The following AHDC1 variants were observed in gnomAD, a reference collection of about 807,000 sequenced individuals.
AHDC1 encodes AT-hook DNA binding motif containing 1, also known as transcription factor Gibbin.
AHDC1 carries 7 observed loss-of-function variants against 87.9 expected under a neutral mutation model. That is an observed-to-expected ratio of 0.08 (90% CI 0.05 to 0.15). The LOEUF is 0.15. Ranked by LOEUF, AHDC1 falls within the 10% of genes least tolerant of loss-of-function variation. AHDC1 has a pLI of 1.00. For missense variants in AHDC1, 1,841 were observed against 2,253.2 expected (o/e 0.82, Z 3.70); for synonymous variants, 1,051 against 1,006.8 (o/e 1.04, Z -0.83).
In AHDC1 at chr1:27,552,017, G is replaced by C. The variant is rs780048677; in HGVS notation, c.99C>G (p.Pro33=). The C allele has an allele frequency of 3.4e-5, 50 of 1,466,508 alleles. No homozygotes were observed. Among genetic ancestry groups the C allele is most frequent in the Non-Finnish European group, 4.1e-5 (45 of 1,109,420 alleles). The allele number at this position is 1,466,508 out of a possible 1,614,324, so 90.8% of individuals were successfully genotyped here. Residue 33 remains proline, a synonymous_variant, in exon 8 of 9, where the codon CCC becomes CCG. Transcript: ENST00000673934. The stretch of plus-strand genomic sequence containing the variant: ...GGGTGGGAAGCAGGGGCCGGGGGGT[G>C]GGGGGGCCGCCGGGGTAGTACTTGG... ...REPKYYPGGP[P]TPRPLLPTRP...
rs572965613 is a variant in AHDC1, at chr1:27,595,513, A to T, written c.-629+7884T>A. 1.5e-3 allele frequency among the ~76,000 whole-genome samples: 222 copies of T among 150,534 alleles called. No individual in the cohort carries two copies. Among genetic ancestry groups the T allele is most frequent in the African/African-American group, 5.3e-3 (213 of 40,526 alleles). ...GTGTTTAGGGATGTATTGGGGGGTC[A>T]TAAAAATGTGGGTTTTGGTTAAGTA... On this transcript the variant is annotated intron_variant, in intron 3 of 8. Transcript: ENST00000673934. The surrounding 1 kb of genome is among the most constrained non-coding windows in gnomAD (Gnocchi z 4.0).
At chr1:27,546,650 G>A (rs1041580867) in intron 8 of AHDC1, among the ~76,000 whole-genome samples, 2 of 152,158 alleles carry the variant, frequency 1.3e-5, no homozygotes, top group African/African-American at 4.8e-5. Context: ...AGCCTTTGGG[G>A]GTACCTTGGG....
In AHDC1 at chr1:27,598,590, G is replaced by A. The variant is rs1010251466; in HGVS notation, c.-629+4807C>T. ...GGGGACCCCTCCTGCTCTGGTCCCA[G>A]TTCCAGGCATGAGGGGTTGTTCTTG... On this transcript the variant is annotated intron_variant, in intron 3 of 8. Coordinates refer to ENST00000673934, the MANE Select transcript of AHDC1 (RefSeq NM_001371928.1). This position sits in a 1 kb window ranked among gnomAD's most constrained non-coding sequence, Gnocchi z 4.2. Among the ~76,000 whole-genome samples, 2 of 152,152 alleles carry A rather than the reference G, an allele frequency of 1.3e-5. No individual in the cohort carries two copies. The highest frequency in any genetic ancestry group is 3.8e-4 in the East Asian group (2 of 5,196).
At position 27,547,274 on chromosome 1, in the gene AHDC1, C is replaced by T; in HGVS notation, c.*30G>A. The T allele has an allele frequency of 6.6e-7, 1 of 1,514,108 alleles. No individual in the cohort carries two copies. The highest frequency in any genetic ancestry group is 8.8e-7 in the Non-Finnish European group (1 of 1,132,204). 93.8% of individuals were successfully genotyped at this position (1,514,108 alleles called of 1,614,324 possible). ...CCCCAGACTCACCCAGGAACAAAACCTCGCGGTCCAGTCGGCACTTCAGTT... is the reference window on the plus strand; with the variant it reads ...CCCCAGACTCACCCAGGAACAAAACTTCGCGGTCCAGTCGGCACTTCAGTT... On this transcript the variant is annotated 3_prime_UTR_variant, in exon 8 of 9. Transcript: ENST00000673934. The surrounding 1 kb of genome is among the most constrained non-coding windows in gnomAD (Gnocchi z 4.9).
intron 5 of AHDC1, among the ~76,000 whole-genome samples, chr1:27,556,965 C>T (rs191407887): frequency 2.0e-5 from 3 of 151,612 alleles, no homozygotes; most frequent in Non-Finnish European, 4.4e-5. Flanking sequence ...GGCCCTGCCC[C>T]GCCCCCTGGG....
chr1:27,557,384 C>T (rs2019871912), intron 5 of AHDC1, among the ~76,000 whole-genome samples: 1 of 152,010 alleles, frequency 6.6e-6, no homozygotes, highest in Non-Finnish European at 1.5e-5. Flanking sequence ...TCACCCCCGC[C>T]CACCTCCTTC....
At chr1:27,552,383 T>G in intron 7 of AHDC1, 194 bp from the exon 8 acceptor site, 3 of 376,006 alleles carry the variant, frequency 8.0e-6, no homozygotes, top group Non-Finnish European at 1.3e-5. Flanking sequence ...AGTGAGCCCC[T>G]CATGGGCCCA....
At chr1:27,569,434 C>A (rs2020473551) in intron 3 of AHDC1, among the ~76,000 whole-genome samples, 1 of 152,172 alleles carries the variant, frequency 6.6e-6, no homozygotes, top group Non-Finnish European at 1.5e-5. Context: ...TTCCATGTCG[C>A]ATCATCTCAG....
chr1:27,559,060 TAAGA>T (rs2019950347), intron 3 of AHDC1, among the ~76,000 whole-genome samples, 177 bp from the exon 4 acceptor site: 1 of 151,694 alleles, frequency 6.6e-6, no homozygotes, highest in African/African-American at 2.4e-5. Context: ...AAAAAAAAAA[TAAGA>T]GAGACAGGGC....
intron 3 of AHDC1, among the ~76,000 whole-genome samples, chr1:27,581,395 A>G (rs1417320459): frequency 4.6e-5 from 7 of 152,160 alleles, no homozygotes; most frequent in African/African-American, 1.4e-4. Context: ...CATCTTCTCA[A>G]AATGGGTCCT....
chr1:27,535,941 C>T (rs1305537876), intron 8 of AHDC1, among the ~76,000 whole-genome samples: 1 of 152,062 alleles, frequency 6.6e-6, no homozygotes, highest in African/African-American at 2.4e-5. Context: ...CCTAAGAGCT[C>T]CAGTCATTAT....
chr1:27,570,873 G>A (rs1336872688), intron 3 of AHDC1, among the ~76,000 whole-genome samples: 1 of 151,734 alleles, frequency 6.6e-6, no homozygotes, highest in East Asian at 1.9e-4. Context: ...CCCCCTCCAG[G>A]CCCCTGCCCC....
chr1:27,548,710 C>A lies in AHDC1; in HGVS notation c.3406G>T (p.Val1136Phe), dbSNP rs151271246. 1 of 1,613,232 alleles carries A rather than the reference C, an allele frequency of 6.2e-7. No homozygotes were observed. The highest frequency in any genetic ancestry group is 1.3e-5 in the African/African-American group (1 of 74,940). ...TCCAGGATCACGTTGGGCTCGCTGA[C>A]GTGGCAGTCAAAACTGGGATTGTAG... ...QLYNPSFDCH[V>F]SEPNVILDIS... is the part of the protein sequence containing the mutation. The change falls in exon 8 of 9, where the codon GTC (valine) becomes TTC (phenylalanine). Residue 1136 changes from valine (V) to phenylalanine (F), a missense_variant. Around this residue, in one of 13 missense-constraint regions of AHDC1, gnomAD observed 378 missense variants for 399.0 expected, o/e 0.95. Coordinates refer to ENST00000673934, the MANE Select transcript of AHDC1 (RefSeq NM_001371928.1).
At chr1:27,578,557 C>T (rs1470872714) in intron 3 of AHDC1, among the ~76,000 whole-genome samples, 2 of 151,264 alleles carry the variant, frequency 1.3e-5, no homozygotes, top group South Asian at 4.2e-4. Context: ...CCACTGCACT[C>T]CAGTGAGGGC....
intron 8 of AHDC1, among the ~76,000 whole-genome samples, chr1:27,541,631 T>C (rs952166286): frequency 1.4e-5 from 2 of 147,870 alleles, no homozygotes; most frequent in African/African-American, 5.1e-5. Context: ...TGTGGAGGTT[T>C]TTTTTTTTTT....
Position 27,548,947 on chromosome 1 carries a change from C to T in AHDC1, c.3169G>A (p.Asp1057Asn). The T allele has an allele frequency of 6.3e-7, 1 of 1,585,692 alleles. No homozygotes were observed. Among genetic ancestry groups the T allele is most frequent in the Non-Finnish European group, 8.6e-7 (1 of 1,164,618 alleles). The stretch of plus-strand genomic sequence containing the variant: ...GGCGAGACTGTGCTGGCCCGGCTGT[C>T]ACAGCGCAGGGGCGTGGGGGCTGAA... ...SGSAPTPLRCDSRASTVSPGG... is the reference protein window; with the variant it reads ...SGSAPTPLRCNSRASTVSPGG... The change falls in exon 8 of 9, where the codon GAC (aspartate) becomes AAC (asparagine). Residue 1057 changes from aspartate to asparagine, a missense_variant. Asp to Asn is a conservative substitution (Grantham distance 23). Coordinates refer to ENST00000673934, the MANE Select transcript of AHDC1 (RefSeq NM_001371928.1).
intron 5 of AHDC1, among the ~76,000 whole-genome samples, chr1:27,557,935 G>A (rs1571260618): frequency 6.6e-6 from 1 of 152,294 alleles, no homozygotes; most frequent in East Asian, 1.9e-4. Context: ...AAGCTTGAGT[G>A]CCCTGTACAT....
rs143406235 is a variant in AHDC1, at chr1:27,548,030, G to A, written c.4086C>T (p.Gly1362=). 7 of 1,611,944 alleles carry A rather than the reference G, an allele frequency of 4.3e-6. No individual in the cohort carries two copies. In the African/African-American group the frequency reaches 8.0e-5, roughly 18 times the overall value. Residue 1362 remains glycine, a synonymous_variant, in exon 8 of 9, where the codon GGC becomes GGT. Transcript: ENST00000673934. ...CCAGGCTGGGCGAGTCGCAGTGGAA[G>A]CCTTGGCCAAAGGTGCCATCGGAAG... ...STPSDGTFGQ[G]FHCDSPSLGA... is the part of the protein sequence containing the mutation.
rs555587510 is a variant in AHDC1, at chr1:27,576,560, C to G, written c.-628-17677G>C. Among the ~76,000 whole-genome samples, 37 of 152,226 alleles carry G rather than the reference C, an allele frequency of 2.4e-4. 1 individual carries two copies. Among genetic ancestry groups the G allele is most frequent in the African/African-American group, 8.4e-4 (35 of 41,532 alleles). ...CTGAAGTTCACGAAGGTTAAGTGAC[C>G]CACCAAAGGTCACACAATGTCAGAG... On this transcript the variant is annotated intron_variant, in intron 3 of 8. Coordinates refer to ENST00000673934, the MANE Select transcript of AHDC1 (RefSeq NM_001371928.1).
Sources: gnomAD v4.1 joint callset for allele counts (sites outside exome capture counted in the v4.1 genomes callset) on GRCh38, gnomAD v4.1.1 for gene constraint, gnomAD v4.1.1 regional missense constraint, Gnocchi (gnomAD v3.1) non-coding constraint, MANE v1.5 for transcripts, NCBI Gene and HGNC (gene_info 2026-07-23, HGNC 2026-07-21) for gene names.